Variants in DISC1 observed in about 807,000 individuals in gnomAD.
DISC1 encodes DISC1 scaffold protein, also known as disrupted in schizophrenia 1 protein.
In DISC1, 57 loss-of-function variants were observed where a neutral mutation model predicts 84.5. That is an observed-to-expected ratio of 0.67 (90% CI 0.55 to 0.84). The LOEUF is 0.84. Ranked by LOEUF, DISC1 falls within the 40% of genes least tolerant of loss-of-function variation. The probability of loss-of-function intolerance (pLI) is 0.00; values close to 1 mark genes in which losing one functional copy is unlikely to be tolerated. For missense variants in DISC1, 1,000 were observed against 1,057.8 expected (o/e 0.95, Z 0.76); for synonymous variants, 411 against 415.2 (o/e 0.99, Z 0.12).
At chr1:231,761,285 T>A (rs1254903810) in intron 4 of DISC1, among the ~76,000 whole-genome samples, 2 of 152,222 alleles carry the variant, frequency 1.3e-5, no homozygotes, top group Non-Finnish European at 2.9e-5. Flanking sequence ...TACTGATTAG[T>A]TTATAGCAGC....
intron 1 of DISC1, among the ~76,000 whole-genome samples, chr1:231,641,071 G>A (rs964050137): frequency 6.6e-6 from 1 of 152,228 alleles, no homozygotes; most frequent in African/African-American, 2.4e-5. Context: ...AGGCCTGAAG[G>A]AAAAGGGTTG....
chr1:231,798,089 T>G (rs1419866667), intron 7 of DISC1, among the ~76,000 whole-genome samples: 1 of 138,432 alleles, frequency 7.2e-6, no homozygotes, highest in Non-Finnish European at 1.6e-5. Flanking sequence ...GACATAGCTT[T>G]CTTTCTCTAG....
chr1:231,721,796 TA>T (rs1234311941), intron 3 of DISC1, among the ~76,000 whole-genome samples: 1 of 151,046 alleles, frequency 6.6e-6, no homozygotes, highest in Admixed American at 6.6e-5. Context: ...GCTCTGTTGC[TA>T]AAAAAAAGAA....
chr1:231,973,282 G>A (rs572402452), intron 10 of DISC1, among the ~76,000 whole-genome samples: 2 of 152,212 alleles, frequency 1.3e-5, no homozygotes, highest in African/African-American at 2.4e-5. Flanking sequence ...TCCTGACCTC[G>A]TGATCAGCCT....
intron 1 of DISC1, among the ~76,000 whole-genome samples, chr1:231,638,541 A>G (rs1337687785): frequency 6.6e-6 from 1 of 152,154 alleles, no homozygotes; most frequent in Non-Finnish European, 1.5e-5. Flanking sequence ...ATAGGGGTCC[A>G]GTTTCATTCT....
intron 6 of DISC1, among the ~76,000 whole-genome samples, chr1:231,777,079 C>T (rs1411304524): frequency 2.0e-5 from 3 of 152,058 alleles, no homozygotes; most frequent in South Asian, 2.1e-4. Flanking sequence ...CTTTCTCTCT[C>T]CTCTGTCTTT....
chr1:231,818,754 A>C (rs1336750017), intron 9 of DISC1: 2 of 1,374,786 alleles, frequency 1.5e-6, no homozygotes, highest in African/African-American at 2.9e-5. Flanking sequence ...TCCCTGTCTC[A>C]ACCTGTGTTT....
At chr1:231,878,292 A>G (rs1385483439) in intron 9 of DISC1, among the ~76,000 whole-genome samples, 1 of 152,140 alleles carries the variant, frequency 6.6e-6, no homozygotes, top group African/African-American at 2.4e-5. Flanking sequence ...AGAGTGTGAA[A>G]TGGGGCACCT....
chr1:231,990,106 A>C (rs550542010), intron 10 of DISC1, among the ~76,000 whole-genome samples: 1 of 152,022 alleles, frequency 6.6e-6, no homozygotes, highest in Admixed American at 6.5e-5. Flanking sequence ...TCACATCACT[A>C]TGTGTCTGTG....
intron 3 of DISC1, among the ~76,000 whole-genome samples, chr1:231,717,169 A>G (rs200117771): frequency 3.9e-4 from 60 of 152,214 alleles, no homozygotes; most frequent in Non-Finnish European, 6.0e-4. Flanking sequence ...TGTCTTTGGG[A>G]GATGAATTGT....
At chr1:231,834,926 C>T (rs1017102078) in intron 9 of DISC1, among the ~76,000 whole-genome samples, 2 of 152,168 alleles carry the variant, frequency 1.3e-5, no homozygotes, top group Admixed American at 1.3e-4. Flanking sequence ...CCGTGAACAG[C>T]GCCAGAGTTT....
At chr1:231,761,315 A>T (rs1360654033) in intron 4 of DISC1, among the ~76,000 whole-genome samples, 2 of 152,234 alleles carry the variant, frequency 1.3e-5, no homozygotes, top group African/African-American at 4.8e-5. Context: ...TTGCAGCGAC[A>T]TCAGGGATTA....
intron 9 of DISC1, among the ~76,000 whole-genome samples, chr1:231,942,941 A>T (rs1275338428): frequency 6.6e-6 from 1 of 152,186 alleles, no homozygotes; most frequent in Non-Finnish European, 1.5e-5. Flanking sequence ...AAAGGTTGAA[A>T]TTCAGCCCCT....
At chr1:231,965,194 G>A (rs1247161974) in intron 10 of DISC1, among the ~76,000 whole-genome samples, 1 of 152,198 alleles carries the variant, frequency 6.6e-6, no homozygotes, top group Non-Finnish European at 1.5e-5. Context: ...AAAGCAAAAA[G>A]TGGACAAATA....
At chr1:231,855,741 TCAGTTGGTC>T (rs1219352895) in intron 9 of DISC1, among the ~76,000 whole-genome samples, 1 of 152,186 alleles carries the variant, frequency 6.6e-6, no homozygotes, top group Non-Finnish European at 1.5e-5. Context: ...TTCTTTCTCT[TCAGTTGGTC>T]CATTTTCACA....
At chr1:231,689,185 T>C (rs934212218) in intron 1 of DISC1, among the ~76,000 whole-genome samples, 1 of 152,184 alleles carries the variant, frequency 6.6e-6, no homozygotes, top group Admixed American at 6.5e-5. Flanking sequence ...TATATGCAAG[T>C]CATGTTTTGT....
At chr1:231,825,218 C>T (rs980297496) in intron 9 of DISC1, among the ~76,000 whole-genome samples, 2 of 152,112 alleles carry the variant, frequency 1.3e-5, no homozygotes, top group South Asian at 2.1e-4. Flanking sequence ...CCTTAAAATA[C>T]GTAAGTCACT....
chr1:231,872,175 C>T (rs1282033834), intron 9 of DISC1, among the ~76,000 whole-genome samples: 1 of 152,188 alleles, frequency 6.6e-6, no homozygotes, highest in Non-Finnish European at 1.5e-5. Flanking sequence ...AAAATGAGAA[C>T]TTTCACTTTA....
At chr1:231,976,582 T>C (rs1444216729) in intron 10 of DISC1, among the ~76,000 whole-genome samples, 1 of 152,208 alleles carries the variant, frequency 6.6e-6, no homozygotes, top group African/African-American at 2.4e-5. Context: ...GGAAAAAGAC[T>C]ATGGAATCTT....
Sources: allele counts gnomAD v4.1 joint callset (sites outside exome capture counted in the v4.1 genomes callset), GRCh38; gene constraint gnomAD v4.1.1; transcripts MANE v1.5; gene names NCBI Gene and HGNC (gene_info 2026-07-23, HGNC 2026-07-21).